AKR1C3: variants seen among roughly 807,000 people sequenced by gnomAD.
AKR1C3 encodes 3-alpha hydroxysteroid dehydrogenase, type II.
In AKR1C3, 48 loss-of-function variants were observed where a neutral mutation model predicts 43.6. The ratio of observed to expected loss-of-function variants is 1.10; its 90% CI spans 0.87 to 1.40. AKR1C3 has a LOEUF of 1.40. Ranked by LOEUF, AKR1C3 falls within the 40% of genes most tolerant of loss-of-function variation. The pLI is 0.00. For missense variants in AKR1C3, 482 were observed against 391.2 expected (o/e 1.23, Z -1.96); for synonymous variants, 162 against 139.6 (o/e 1.16, Z -1.13).
chr10:5,061,054 G>C (rs10795239), intron 1 of AKR1C3, among the ~76,000 whole-genome samples: 86,678 of 151,678 alleles, frequency 0.57, 25,675 homozygotes, highest in East Asian at 0.79. Flanking sequence ...CTGAGGGAGC[G>C]AGCTCTGGCC....
intron 1 of AKR1C3, among the ~76,000 whole-genome samples, chr10:5,074,885 GTTATC>G (rs1448817048): frequency 4.6e-5 from 7 of 152,142 alleles, no homozygotes; most frequent in East Asian, 1.9e-4. Flanking sequence ...TTTTGTCTGT[GTTATC>G]TTATGTAAAA....
chr10:5,100,560 C>T (rs527832937), intron 5 of AKR1C3, among the ~76,000 whole-genome samples: 5 of 152,200 alleles, frequency 3.3e-5, no homozygotes, highest in African/African-American at 1.2e-4. Flanking sequence ...TGACTTCCCC[C>T]AAATGTCACA....
At chr10:5,073,320 G>T (rs541040672) in intron 1 of AKR1C3, among the ~76,000 whole-genome samples, 2 of 152,212 alleles carry the variant, frequency 1.3e-5, no homozygotes, top group African/African-American at 4.8e-5. Context: ...AGAGAGTTTT[G>T]TAGAATGGCA....
chr10:5,071,209 T>G lies in AKR1C3; in HGVS notation c.84+22314T>G, dbSNP rs575762538. On this transcript the variant is annotated intron_variant, in intron 1 of 8. Transcript: ENST00000439082. ...GGCTAATGGCTCCAGAGGCTGGAAA[T>G]TCCAAGGCCATAGTGATCTCATTGG... Among the ~76,000 whole-genome samples the G allele has an allele frequency of 3.9e-5, 6 of 152,312 alleles. No homozygotes were observed. In the South Asian group the frequency reaches 1.2e-3, roughly 32 times the overall value.
intron 1 of AKR1C3, among the ~76,000 whole-genome samples, chr10:5,086,784 G>A (rs1397169755): frequency 6.6e-6 from 1 of 152,140 alleles, no homozygotes; most frequent in Non-Finnish European, 1.5e-5. Flanking sequence ...TATATATTTA[G>A]GATAGTTAGC....
intron 1 of AKR1C3, among the ~76,000 whole-genome samples, chr10:5,056,229 A>G (rs1166745896): frequency 3.3e-5 from 5 of 152,096 alleles, no homozygotes; most frequent in Non-Finnish European, 7.4e-5. Context: ...CCCTTGGGGC[A>G]TGTAAGTTGG....
upstream of AKR1C3, among the ~76,000 whole-genome samples, chr10:5,089,463 T>C (rs1839039222): frequency 3.9e-5 from 6 of 152,252 alleles, no homozygotes; most frequent in South Asian, 1.2e-3. Flanking sequence ...CTTTTTTAAA[T>C]TTCTGACTGG....
At chr10:5,099,067 G>T (rs1396930470) in intron 4 of AKR1C3, among the ~76,000 whole-genome samples, 188 bp downstream of exon 4, 2 of 152,182 alleles carry the variant, frequency 1.3e-5, no homozygotes, top group Non-Finnish European at 2.9e-5. Context: ...ACAAGACTTG[G>T]GGGCAAGGAG....
intron 1 of AKR1C3, among the ~76,000 whole-genome samples, chr10:5,062,766 A>T (rs1838405740): frequency 6.6e-6 from 1 of 151,772 alleles, no homozygotes; most frequent in Non-Finnish European, 1.5e-5. Flanking sequence ...GATAATCATT[A>T]GGGCAGTCAT....
In AKR1C3 at chr10:5,107,558, A is replaced by C; in HGVS notation, c.*55A>C. 1 of 1,402,278 alleles carries C rather than the reference A, an allele frequency of 7.1e-7. No individual in the cohort carries two copies. Among genetic ancestry groups the C allele is most frequent in the Non-Finnish European group, 1.0e-6 (1 of 992,840 alleles). The allele number at this position is 1,402,278 out of a possible 1,614,324, so 86.9% of individuals were successfully genotyped here. A position where few individuals can be genotyped will look rare whatever the true frequency, so the allele number is the denominator to read the frequency against. On this transcript the variant is annotated 3_prime_UTR_variant, in exon 9 of 9. Transcript: ENST00000380554. ...AAGCCCTGTGTGTGGATGGTGACGC[A>C]GAGGACGTCTCTATGCCGGTGACTG...
At chr10:5,102,958 T>C (rs1471023536) in intron 7 of AKR1C3, among the ~76,000 whole-genome samples, 1 of 151,786 alleles carries the variant, frequency 6.6e-6, no homozygotes, top group Non-Finnish European at 1.5e-5. Flanking sequence ...TTTTTTTTTT[T>C]GAGACAGAGT....
chr10:5,060,639 C>G (rs553180064), intron 1 of AKR1C3, among the ~76,000 whole-genome samples: 216 of 150,768 alleles, frequency 1.4e-3, no homozygotes, highest in Non-Finnish European at 2.7e-3. Context: ...GTGGATCCCA[C>G]ACTGGGGCTG....
At chr10:5,094,347 G>T (rs1554784813), upstream of AKR1C3, 2 of 1,005,684 alleles carry the variant, frequency 2.0e-6, no homozygotes, top group East Asian at 3.3e-5. Context: ...CCATCAGTCA[G>T]TTTGCAGGGG....
chr10:5,082,543 A>G (rs1422920280), intron 1 of AKR1C3, among the ~76,000 whole-genome samples: 1 of 148,488 alleles, frequency 6.7e-6, no homozygotes, highest in African/African-American at 2.5e-5. Context: ...TGGGATGATC[A>G]TTTTTTTTTT....
intron 1 of AKR1C3, among the ~76,000 whole-genome samples, chr10:5,075,425 C>T (rs1341453462): frequency 1.3e-5 from 2 of 152,000 alleles, no homozygotes; most frequent in East Asian, 1.9e-4. Context: ...CGCCATGGCC[C>T]CCCTTGAGTG....
At chr10:5,083,033 T>G (rs909760463) in intron 1 of AKR1C3, among the ~76,000 whole-genome samples, 1 of 152,144 alleles carries the variant, frequency 6.6e-6, no homozygotes, top group African/African-American at 2.4e-5. Flanking sequence ...TGATTCAATG[T>G]TGGGAGGTTG....
At chr10:5,063,764 G>GAAAAAAAAAAAAA (rs1406943359) in intron 1 of AKR1C3, among the ~76,000 whole-genome samples, 29 of 33,422 alleles carry the variant, frequency 8.7e-4, no homozygotes, top group African/African-American at 1.4e-3. Flanking sequence ...CTCTGTCTCA[G>GAAAAAAAAAAAAA]CAAAAAAAAA....
upstream of AKR1C3, among the ~76,000 whole-genome samples, chr10:5,091,073 CA>C (rs142203785): frequency 9.0e-3 from 1,363 of 151,616 alleles, 30 homozygotes; most frequent in African/African-American, 0.032. Flanking sequence ...AGAACATGTT[CA>C]AATAATGGCC....
intron 4 of AKR1C3, among the ~76,000 whole-genome samples, 161 bp downstream of exon 4, chr10:5,099,040 T>G (rs893611000): frequency 6.6e-6 from 1 of 152,050 alleles, no homozygotes; most frequent in Non-Finnish European, 1.5e-5. Flanking sequence ...ACAAAAGGAA[T>G]GTTTAGAGAG....
Sources: gnomAD v4.1 joint callset for allele counts (sites outside exome capture counted in the v4.1 genomes callset) on GRCh38, gnomAD v4.1.1 for gene constraint, MANE v1.5 for transcripts, NCBI Gene and HGNC (gene_info 2026-07-23, HGNC 2026-07-21) for gene names.